The following PICALM variants were observed in gnomAD, a reference collection of about 807,000 sequenced individuals.
The protein encoded by PICALM is phosphatidylinositol-binding clathrin assembly protein.
In PICALM, 40 loss-of-function variants were observed where a neutral mutation model predicts 80.5. That is an observed-to-expected ratio of 0.50 (90% CI 0.39 to 0.65). The LOEUF (loss-of-function observed/expected upper bound fraction) is 0.65, where lower values mean the gene tolerates loss of function less well. Among genes scored for constraint, PICALM ranks in the 30% least tolerant of loss-of-function variants. The pLI, the probability that PICALM is intolerant of heterozygous loss-of-function variation, is 0.00. For synonymous variants in PICALM, 288 were observed against 260.3 expected (o/e 1.11, Z -1.02); for missense variants, 676 against 778.9 (o/e 0.87, Z 1.57).
At chr11:85,974,363 G>C (rs1391958895) in intron 19 of PICALM, 8 of 453,660 alleles carry the variant, frequency 1.8e-5, no homozygotes, top group Non-Finnish European at 3.5e-5. Flanking sequence ...ATTAGCCAAG[G>C]AACTAAAGCT....
At chr11:86,016,948 G>A (rs572606329) in intron 4 of PICALM, among the ~76,000 whole-genome samples, 5 of 152,298 alleles carry the variant, frequency 3.3e-5, no homozygotes, top group African/African-American at 9.6e-5. Context: ...AAGGCTGGGC[G>A]CGTTGGCTCA....
At chr11:86,036,251 C>T (rs986836940) in intron 1 of PICALM, among the ~76,000 whole-genome samples, 2 of 152,052 alleles carry the variant, frequency 1.3e-5, no homozygotes, top group Admixed American at 6.5e-5. Flanking sequence ...TTTGCCTAGT[C>T]GTAAGTGTCA....
chr11:86,001,533 A>G (rs2136110481), intron 9 of PICALM, among the ~76,000 whole-genome samples: 2 of 152,232 alleles, frequency 1.3e-5, no homozygotes, highest in East Asian at 1.9e-4. Context: ...CACAGGGAAA[A>G]CCCTCTGCTA....
chr11:85,965,218 C>T (rs2093835846), intron 19 of PICALM, among the ~76,000 whole-genome samples: 1 of 152,134 alleles, frequency 6.6e-6, no homozygotes, highest in South Asian at 2.1e-4. Flanking sequence ...TACCTTCCAC[C>T]ATACTATCAT....
At chr11:85,961,340 G>A (rs2077815) in intron 19 of PICALM, among the ~76,000 whole-genome samples, 123,413 of 152,224 alleles carry the variant, frequency 0.81, 50,213 homozygotes, top group African/African-American at 0.88. Flanking sequence ...GCTGACACAC[G>A]TACTGTGGGA....
At chr11:85,996,723 T>C in intron 12 of PICALM, 103 bp downstream of exon 12, 3 of 698,392 alleles carry the variant, frequency 4.3e-6, no homozygotes, top group Non-Finnish European at 7.6e-6. Flanking sequence ...ACTTATCAAG[T>C]TCTCATGTAT....
At chr11:85,966,096 G>C in intron 19 of PICALM, among the ~76,000 whole-genome samples, 1 of 152,092 alleles carries the variant, frequency 6.6e-6, no homozygotes, top group Non-Finnish European at 1.5e-5. Flanking sequence ...TGGGATTACA[G>C]GTGTGAGCCA....
At chr11:85,993,669 C>T (rs763990368) in intron 12 of PICALM, among the ~76,000 whole-genome samples, 8 of 151,652 alleles carry the variant, frequency 5.3e-5, no homozygotes, top group East Asian at 1.9e-4. Flanking sequence ...AAATTCCTGA[C>T]GTCAAATGAT....
At chr11:86,048,175 G>C (rs570013002) in intron 1 of PICALM, among the ~76,000 whole-genome samples, 2 of 152,278 alleles carry the variant, frequency 1.3e-5, no homozygotes, top group East Asian at 1.9e-4. Context: ...ATGCAGTCAA[G>C]GAGTATCTTA....
chr11:86,052,473 A>G (rs1438630902), intron 1 of PICALM, among the ~76,000 whole-genome samples: 3 of 152,192 alleles, frequency 2.0e-5, no homozygotes. Flanking sequence ...TTCAGATCAA[A>G]GTTAGGTTTA....
Position 86,001,173 on chromosome 11 carries a change from C to T in PICALM, c.894-15G>A. On this transcript the variant is annotated splice_polypyrimidine_tract_variant and intron_variant, in intron 9 of 19. Coordinates refer to ENST00000393346, the MANE Select transcript of PICALM (RefSeq NM_007166.4). ...GTGTAGTTGCCCTAGGATAATTGAA[C>T]AGAGATAATTTGGCTTTTTGCTAAA... 1 of 1,610,810 alleles carries T rather than the reference C, an allele frequency of 6.2e-7. No individual in the cohort carries two copies. Among genetic ancestry groups the T allele is most frequent in the Middle Eastern group, 1.7e-4 (1 of 6,034 alleles).
chr11:86,038,720 C>CAGT (rs10646754), intron 1 of PICALM, among the ~76,000 whole-genome samples: 122,920 of 150,814 alleles, frequency 0.82, 50,248 homozygotes, highest in African/African-American at 0.89. Context: ...GCGGAGGTTG[C>CAGT]GAGCTGAGAT....
chr11:85,985,762 A>C (rs915224387), intron 13 of PICALM, among the ~76,000 whole-genome samples: 1 of 152,224 alleles, frequency 6.6e-6, no homozygotes, highest in African/African-American at 2.4e-5. Flanking sequence ...TAAGTAGTAC[A>C]AACAATGTTC....
At chr11:85,996,174 G>C (rs1319980237) in intron 12 of PICALM, among the ~76,000 whole-genome samples, 1 of 151,952 alleles carries the variant, frequency 6.6e-6, no homozygotes, top group African/African-American at 2.4e-5. Flanking sequence ...AAAAAGCTTT[G>C]TTTATATACT....
chr11:86,038,282 T>A (rs557453657), intron 1 of PICALM, among the ~76,000 whole-genome samples: 2 of 151,594 alleles, frequency 1.3e-5, no homozygotes, highest in Admixed American at 6.6e-5. Context: ...ATCACAGCCA[T>A]AGCACTCCAA....
Position 85,959,020 on chromosome 11 carries a change from G to A in PICALM, c.*26C>T, listed in dbSNP as rs2093597502. 9.5e-6 allele frequency: 15 copies of A among 1,577,422 alleles called. No individual in the cohort carries two copies. The highest frequency in any genetic ancestry group is 1.3e-5 in the Non-Finnish European group (15 of 1,154,618). On this transcript the variant is annotated 3_prime_UTR_variant, in exon 20 of 20. Coordinates refer to ENST00000393346, the MANE Select transcript of PICALM (RefSeq NM_007166.4). ...TGCTGCTTGAGCACTTGTCTTTTTGGAGTAATTCCATTTTCTTCCATCAAG... is the reference window on the plus strand; with the variant it reads ...TGCTGCTTGAGCACTTGTCTTTTTGAAGTAATTCCATTTTCTTCCATCAAG...
chr11:86,001,511 T>C (rs2095143921), intron 9 of PICALM, among the ~76,000 whole-genome samples: 1 of 152,110 alleles, frequency 6.6e-6, no homozygotes, highest in African/African-American at 2.4e-5. Flanking sequence ...TGGGAAAAAG[T>C]GTTGAGTTTA....
intron 1 of PICALM, among the ~76,000 whole-genome samples, chr11:86,056,184 T>A (rs2096268043): frequency 7.2e-6 from 1 of 139,048 alleles, no homozygotes; most frequent in Non-Finnish European, 1.6e-5. Context: ...CTTGAAAATT[T>A]AAAACTTTTG....
intron 1 of PICALM, among the ~76,000 whole-genome samples, chr11:86,058,307 G>C (rs1196506692): frequency 6.6e-6 from 1 of 152,058 alleles, no homozygotes; most frequent in Non-Finnish European, 1.5e-5. Context: ...ATAATCAGAA[G>C]AAACATGTAA....
Sources: gnomAD v4.1 joint callset for allele counts (sites outside exome capture counted in the v4.1 genomes callset) on GRCh38, gnomAD v4.1.1 for gene constraint, MANE v1.5 for transcripts, NCBI Gene and HGNC (gene_info 2026-07-23, HGNC 2026-07-21) for gene names.